The following ROBO2 variants were observed in gnomAD, a reference collection of about 807,000 sequenced individuals.
ROBO2 encodes roundabout guidance receptor 2, also known as roundabout homolog 2.
ROBO2 carries 53 observed loss-of-function variants against 160.8 expected under a neutral mutation model. The observed-to-expected ratio is 0.33, with a 90% CI of 0.26 to 0.41. The LOEUF is 0.41. Ranked by LOEUF, ROBO2 falls within the 10% of genes least tolerant of loss-of-function variation. The pLI is 1.00. For synonymous variants in ROBO2, 664 were observed against 611.7 expected (o/e 1.09, Z -1.26); for missense variants, 1,577 against 1,722.4 (o/e 0.92, Z 1.49).
intron 2 of ROBO2, among the ~76,000 whole-genome samples, chr3:76,975,460 G>A (rs749972734): frequency 2.0e-5 from 3 of 152,152 alleles, no homozygotes; most frequent in Non-Finnish European, 4.4e-5. Context: ...AGCCGAGATC[G>A]CGCCATTGCA....
intron 21 of ROBO2, among the ~76,000 whole-genome samples, chr3:77,609,508 A>G (rs980681394): frequency 2.6e-5 from 4 of 152,132 alleles, no homozygotes; most frequent in Admixed American, 1.3e-4. Flanking sequence ...TCTTGAACTC[A>G]TATCACATGA....
chr3:76,125,076 C>G (rs941344193), intron 2 of ROBO2, among the ~76,000 whole-genome samples: 6 of 152,122 alleles, frequency 3.9e-5, no homozygotes. Flanking sequence ...TAGCTATCAC[C>G]TATAAGTGAG....
At position 77,220,407 on chromosome 3, in the gene ROBO2, G is replaced by T. The variant is rs72893242; in HGVS notation, c.388+122067G>T. 7.2e-3 allele frequency among the ~76,000 whole-genome samples: 1,101 copies of T among 151,964 alleles called. 13 individuals are homozygous for T. The highest frequency in any genetic ancestry group is 0.024 in the African/African-American group (1,009 of 41,454). ...AAATGAAAATATAGACATACTAAGA[G>T]TAGGTAAAAAATTGATTATTAATTT... is the stretch of plus-strand genomic sequence containing the variant. On this transcript the variant is annotated intron_variant, in intron 2 of 25. Transcript: ENST00000461745.
At chr3:77,646,764 A>AG (rs1354506203) in exon 26 of ROBO2, 1 of 152,430 alleles carries the variant, frequency 6.6e-6, no homozygotes, top group Non-Finnish European at 1.5e-5. Context: ...GGTCAAAAAA[A>AG]GTAGTTTAAG....
At chr3:76,799,038 C>A (rs2063991885) in intron 2 of ROBO2, among the ~76,000 whole-genome samples, 1 of 151,780 alleles carries the variant, frequency 6.6e-6, no homozygotes, top group African/African-American at 2.4e-5. Context: ...CATGGTGAAA[C>A]CCCGTCTCTA....
At chr3:77,360,309 G>C (rs567005487) in intron 2 of ROBO2, among the ~76,000 whole-genome samples, 3 of 151,004 alleles carry the variant, frequency 2.0e-5, no homozygotes, top group Non-Finnish European at 2.9e-5. Context: ...AAGTAGCAAT[G>C]AATTTGACAC....
At chr3:75,931,301 T>G (rs1444531105) in intron 1 of ROBO2, among the ~76,000 whole-genome samples, 1 of 152,228 alleles carries the variant, frequency 6.6e-6, no homozygotes, top group Non-Finnish European at 1.5e-5. Context: ...AGCTTAAATA[T>G]TCTCACTTGA....
At chr3:77,555,049 C>G (rs1291748564) in intron 8 of ROBO2, among the ~76,000 whole-genome samples, 1 of 151,876 alleles carries the variant, frequency 6.6e-6, no homozygotes, top group African/African-American at 2.4e-5. Context: ...CAACCACCAC[C>G]CTGGTCAGTT....
rs537664624 is a variant in ROBO2 at position 76,657,884 on chromosome 3, G to GTA, written c.110-440118_110-440117dup. Among the ~76,000 whole-genome samples, 1,287 of 146,600 alleles carry GTA rather than the reference G, an allele frequency of 8.8e-3. 7 individuals carry two copies. The highest frequency in any genetic ancestry group is 0.023 in the African/African-American group (938 of 40,034). On this transcript the variant is annotated intron_variant, in intron 2 of 26. Transcript: ENST00000487694. The stretch of plus-strand genomic sequence containing the variant: ...GAACATTATATATATGTGTGTGTGT[G>GTA]TATATATATATATGTGTGTGTATCT...
At chr3:75,960,789 T>C (rs1376161269) in intron 2 of ROBO2, among the ~76,000 whole-genome samples, 1 of 151,788 alleles carries the variant, frequency 6.6e-6, no homozygotes, top group East Asian at 2.0e-4. Flanking sequence ...TATGCCTTAA[T>C]TTCTAAAAGA....
chr3:76,949,212 G>A (rs74599447), intron 2 of ROBO2, among the ~76,000 whole-genome samples: 111 of 151,882 alleles, frequency 7.3e-4, no homozygotes, highest in African/African-American at 2.5e-3. Context: ...TAATTCTGCC[G>A]TATGCTGTGT....
chr3:76,478,513 A>G (rs2079050086), intron 2 of ROBO2, among the ~76,000 whole-genome samples: 1 of 151,788 alleles, frequency 6.6e-6, no homozygotes, highest in South Asian at 2.1e-4. Flanking sequence ...GCTTCCTTAC[A>G]CCTTACACAA....
chr3:77,206,939 C>T (rs1385855773), intron 2 of ROBO2, among the ~76,000 whole-genome samples: 2 of 152,016 alleles, frequency 1.3e-5, no homozygotes, highest in African/African-American at 4.8e-5. Flanking sequence ...TATGTGGGAC[C>T]AGCTCGTTAA....
At chr3:77,006,458 C>T (rs1185243055) in intron 2 of ROBO2, among the ~76,000 whole-genome samples, 13 of 151,572 alleles carry the variant, frequency 8.6e-5, no homozygotes, top group Admixed American at 8.6e-4. Flanking sequence ...CAAATTAAGG[C>T]TTTTCAAAAG....
chr3:76,413,400 G>T (rs190061314), intron 2 of ROBO2, among the ~76,000 whole-genome samples: 1 of 152,072 alleles, frequency 6.6e-6, no homozygotes, highest in Non-Finnish European at 1.5e-5. Context: ...CTTTTCTATC[G>T]CATAGTCAGG....
chr3:77,593,494 AG>A (rs1462310606), intron 17 of ROBO2, among the ~76,000 whole-genome samples: 1 of 152,158 alleles, frequency 6.6e-6, no homozygotes, highest in Non-Finnish European at 1.5e-5. Context: ...GCAGATGCAA[AG>A]GTTATGTCAG....
chr3:76,434,239 C>T (rs878973966), intron 2 of ROBO2: 16 of 1,018,866 alleles, frequency 1.6e-5, no homozygotes, highest in Admixed American at 5.1e-5. Flanking sequence ...ACAGGTTTGA[C>T]GTTGGAGCGA....
intron 1 of ROBO2, among the ~76,000 whole-genome samples, chr3:77,070,625 T>C (rs2067308774): frequency 6.6e-6 from 1 of 151,792 alleles, no homozygotes; most frequent in South Asian, 2.1e-4. Flanking sequence ...GCCAAGAGAG[T>C]TGTCAGCAAA....
At chr3:77,389,738 A>G (rs2153498587) in intron 2 of ROBO2, among the ~76,000 whole-genome samples, 1 of 139,318 alleles carries the variant, frequency 7.2e-6, no homozygotes, top group Admixed American at 7.4e-5. Context: ...TCTCTTTTTG[A>G]CCGAGTTCAT....
Sources: gnomAD v4.1 joint callset for allele counts (sites outside exome capture counted in the v4.1 genomes callset) on GRCh38, gnomAD v4.1.1 for gene constraint, MANE v1.5 for transcripts, NCBI Gene and HGNC (gene_info 2026-07-23, HGNC 2026-07-21) for gene names.